The following DACH1 variants were observed in gnomAD, a reference collection of about 807,000 sequenced individuals.
DACH1 encodes dachshund family transcription factor 1.
DACH1 carries 12 observed loss-of-function variants against 54.2 expected under a neutral mutation model. That is an observed-to-expected ratio of 0.22 (90% CI 0.14 to 0.36). The LOEUF is 0.36. DACH1 is among the 10% of genes least tolerant of loss of function. The pLI is 1.00. For missense variants in DACH1, 805 were observed against 929.8 expected (o/e 0.87, Z 1.75); for synonymous variants, 386 against 366.2 (o/e 1.05, Z -0.62).
At chr13:71,691,624 G>A (rs574613811) in intron 1 of DACH1, among the ~76,000 whole-genome samples, 37 of 152,154 alleles carry the variant, frequency 2.4e-4, no homozygotes, top group African/African-American at 8.9e-4. Flanking sequence ...GAGTCAGGTT[G>A]TGAACCATGG....
chr13:71,761,851 A>T (rs1035073141), intron 1 of DACH1, among the ~76,000 whole-genome samples: 9 of 152,120 alleles, frequency 5.9e-5, no homozygotes, highest in African/African-American at 2.2e-4. Context: ...GCCATATGTG[A>T]TATTGTCAAC....
intron 6 of DACH1, among the ~76,000 whole-genome samples, chr13:71,545,777 A>G (rs1302684217): frequency 6.6e-6 from 1 of 152,104 alleles, no homozygotes; most frequent in African/African-American, 2.4e-5. Flanking sequence ...ATATATAGCC[A>G]TCATGATTTT....
intron 6 of DACH1, among the ~76,000 whole-genome samples, chr13:71,493,908 AATTTCAGAACAAG>A (rs1428658274): frequency 3.9e-5 from 6 of 152,136 alleles, no homozygotes; most frequent in Non-Finnish European, 8.8e-5. Flanking sequence ...ATACAAGTAA[AATTTCAGAACAAG>A]TTATTAATTA....
At chr13:71,747,167 C>A (rs183400942) in intron 1 of DACH1, among the ~76,000 whole-genome samples, 1 of 152,048 alleles carries the variant, frequency 6.6e-6, no homozygotes, top group Admixed American at 6.6e-5. Flanking sequence ...AAATTACCTA[C>A]AATTCAAAAT....
chr13:71,800,998 T>C (rs1887268466), intron 1 of DACH1, among the ~76,000 whole-genome samples: 1 of 152,146 alleles, frequency 6.6e-6, no homozygotes, highest in African/African-American at 2.4e-5. Flanking sequence ...AGCAACTATG[T>C]ATTTTAAAGT....
intron 7 of DACH1, among the ~76,000 whole-genome samples, chr13:71,482,512 A>G (rs1361467228): frequency 1.3e-5 from 2 of 152,170 alleles, no homozygotes; most frequent in Non-Finnish European, 2.9e-5. Context: ...TGAAATTAAA[A>G]CACCTTAGTT....
intron 1 of DACH1, among the ~76,000 whole-genome samples, chr13:71,741,967 T>A (rs995311727): frequency 2.6e-5 from 4 of 152,138 alleles, no homozygotes; most frequent in Non-Finnish European, 4.4e-5. Flanking sequence ...AAATTTCAAC[T>A]TGAATTGTAT....
intron 3 of DACH1, among the ~76,000 whole-genome samples, chr13:71,606,239 G>C (rs1339407899): frequency 1.3e-5 from 2 of 151,852 alleles, no homozygotes; most frequent in Non-Finnish European, 2.9e-5. Flanking sequence ...GAATAAAATT[G>C]AATGTAAACA....
intron 10 of DACH1, among the ~76,000 whole-genome samples, chr13:71,446,412 A>C (rs1262723982): frequency 6.6e-6 from 1 of 152,210 alleles, no homozygotes; most frequent in Non-Finnish European, 1.5e-5. Flanking sequence ...CGTATCAGTA[A>C]AGCTAACATT....
At chr13:71,592,576 A>G (rs1425531839) in intron 3 of DACH1, among the ~76,000 whole-genome samples, 1 of 151,740 alleles carries the variant, frequency 6.6e-6, no homozygotes, top group Non-Finnish European at 1.5e-5. Context: ...CCAATTTGGA[A>G]CTTATAATAA....
At chr13:71,791,302 C>G (rs896707973) in intron 1 of DACH1, among the ~76,000 whole-genome samples, 10 of 152,102 alleles carry the variant, frequency 6.6e-5, no homozygotes, top group Admixed American at 2.6e-4. Flanking sequence ...TCTTCTGAGG[C>G]TAATGCAGAT....
intron 10 of DACH1, among the ~76,000 whole-genome samples, 161 bp downstream of exon 10, chr13:71,474,980 A>G (rs532168156): frequency 2.0e-5 from 3 of 152,364 alleles, no homozygotes; most frequent in African/African-American, 7.2e-5. Context: ...CTATCAGCAC[A>G]AAATGAATTC....
intron 1 of DACH1, among the ~76,000 whole-genome samples, chr13:71,685,908 G>C (rs930743834): frequency 2.6e-5 from 4 of 151,982 alleles, no homozygotes; most frequent in Non-Finnish European, 5.9e-5. Context: ...TTGTATCTTT[G>C]TTAGAAATAA....
At chr13:71,793,209 G>A (rs1886905313) in intron 1 of DACH1, among the ~76,000 whole-genome samples, 1 of 152,136 alleles carries the variant, frequency 6.6e-6, no homozygotes, top group Non-Finnish European at 1.5e-5. Context: ...TTACTTAAAT[G>A]TCCAGAATTC....
At chr13:71,534,920 A>C (rs1364753039) in intron 6 of DACH1, among the ~76,000 whole-genome samples, 7 of 151,812 alleles carry the variant, frequency 4.6e-5, no homozygotes, top group Non-Finnish European at 7.4e-5. Flanking sequence ...CTATGCAAAT[A>C]GTGCTGCTGA....
chr13:71,682,275 A>G (rs1430787476), intron 1 of DACH1, among the ~76,000 whole-genome samples: 1 of 152,240 alleles, frequency 6.6e-6, no homozygotes, highest in African/African-American at 2.4e-5. Context: ...CTATTGATTT[A>G]TGAGAGTTTT....
At chr13:71,498,332 T>G (rs1268172135) in intron 6 of DACH1, among the ~76,000 whole-genome samples, 2 of 152,084 alleles carry the variant, frequency 1.3e-5, no homozygotes, top group Non-Finnish European at 2.9e-5. Context: ...AATATGTGAA[T>G]GAGATAAGGC....
intron 3 of DACH1, chr13:71,573,362 G>A (rs145956608): frequency 1.4e-6 from 1 of 706,324 alleles, no homozygotes; most frequent in Non-Finnish European, 2.6e-6. Flanking sequence ...TTTGCCAACT[G>A]ATAAATACAA....
chr13:71,439,126 T>C lies in DACH1; in HGVS notation c.*1529A>G, dbSNP rs564348678. ...ATATTTAAACATTTTAAGCTAGTTT[T>C]CTTAGACATTGAAGATTTTGCTGTT... On this transcript the variant is annotated 3_prime_UTR_variant, in exon 11 of 11. Transcript: ENST00000613252. 6.6e-6 allele frequency: 1 copy of C among 152,590 alleles called. No homozygotes were observed. Among genetic ancestry groups the C allele is most frequent in the Non-Finnish European group, 1.5e-5 (1 of 67,916 alleles). 9.5% of individuals were successfully genotyped at this position (152,590 alleles called of 1,614,324 possible).
Sources: gnomAD v4.1 joint callset for allele counts (sites outside exome capture counted in the v4.1 genomes callset) on GRCh38, gnomAD v4.1.1 for gene constraint, MANE v1.5 for transcripts, NCBI Gene and HGNC (gene_info 2026-07-23, HGNC 2026-07-21) for gene names.